MACROD2: variants seen among roughly 807,000 people sequenced by gnomAD.
MACROD2 encodes ADP-ribose glycohydrolase MACROD2.
A neutral mutation model predicts 70.4 loss-of-function variants in MACROD2; 36 were observed. The ratio of observed to expected loss-of-function variants is 0.51; its 90% confidence interval spans 0.39 to 0.68. MACROD2 has a LOEUF of 0.68. Ranked by LOEUF, MACROD2 falls within the 30% of genes least tolerant of loss-of-function variation. The pLI is 0.00. For synonymous variants in MACROD2, 172 were observed against 178.8 expected (o/e 0.96, Z 0.30); for missense variants, 496 against 538.4 (o/e 0.92, Z 0.78).
At chr20:15,654,650 G>A (rs531460895) in intron 8 of MACROD2, among the ~76,000 whole-genome samples, 6 of 152,312 alleles carry the variant, frequency 3.9e-5, no homozygotes, top group African/African-American at 1.4e-4. Context: ...CAGCTAAGCT[G>A]TCCCAGAGTT....
rs1434091356 is a variant in MACROD2, at chr20:15,353,641, T to C, written c.541-77764T>C. Among the ~76,000 whole-genome samples the C allele has an allele frequency of 4.6e-3, 688 of 150,718 alleles. 2 individuals carry two copies. Among genetic ancestry groups the C allele is most frequent in the African/African-American group, 0.015 (632 of 40,924 alleles). On this transcript the variant is annotated intron_variant, in intron 6 of 17. Transcript: ENST00000684519. ...CTAATATCCAGAATCTACAATGAAC[T>C]CAAACAAATTTACAAGAAAAAAACA...
At chr20:14,194,249 T>C (rs1485036833) in intron 3 of MACROD2, among the ~76,000 whole-genome samples, 4 of 152,170 alleles carry the variant, frequency 2.6e-5, no homozygotes, top group African/African-American at 9.7e-5. Flanking sequence ...TGATACATTG[T>C]TGTGTATCAA....
intron 5 of MACROD2, among the ~76,000 whole-genome samples, chr20:14,981,219 A>C (rs2074795942): frequency 6.6e-6 from 1 of 152,072 alleles, no homozygotes; most frequent in Non-Finnish European, 1.5e-5. Context: ...AAGGTCCTTT[A>C]TTCACTTCCT....
At chr20:15,521,590 CAG>C (rs1216285859) in intron 8 of MACROD2, among the ~76,000 whole-genome samples, 2 of 152,268 alleles carry the variant, frequency 1.3e-5, no homozygotes, top group South Asian at 2.1e-4. Flanking sequence ...ATCTGGGAGA[CAG>C]AGAGTTTTAT....
intron 8 of MACROD2, among the ~76,000 whole-genome samples, chr20:15,653,646 G>T (rs2049680489): frequency 6.6e-6 from 1 of 152,086 alleles, no homozygotes; most frequent in African/African-American, 2.4e-5. Context: ...TCCCTCAGTG[G>T]CCTATGACTG....
chr20:15,569,515 G>A (rs1412336748), intron 8 of MACROD2, among the ~76,000 whole-genome samples: 1 of 152,060 alleles, frequency 6.6e-6, no homozygotes, highest in Non-Finnish European at 1.5e-5. Context: ...CTGAAATTTT[G>A]TATTCTTTGA....
intron 2 of MACROD2, among the ~76,000 whole-genome samples, chr20:14,064,887 A>C (rs1187467282): frequency 2.0e-5 from 3 of 152,244 alleles, no homozygotes; most frequent in Non-Finnish European, 4.4e-5. Flanking sequence ...TTATTACCAT[A>C]ATATTCAAAG....
intron 12 of MACROD2, among the ~76,000 whole-genome samples, chr20:15,945,991 G>A (rs1443357850): frequency 6.6e-6 from 1 of 152,122 alleles, no homozygotes; most frequent in Non-Finnish European, 1.5e-5. Context: ...ACGGCAACAG[G>A]GAGGGCAGTT....
At chr20:15,971,358 C>T (rs188334208) in intron 13 of MACROD2, among the ~76,000 whole-genome samples, 49 of 152,208 alleles carry the variant, frequency 3.2e-4, no homozygotes, top group Non-Finnish European at 5.1e-4. Flanking sequence ...TGGGCGTTCC[C>T]ATGCTGTTCT....
chr20:15,483,537 A>G (rs921924137), intron 7 of MACROD2, among the ~76,000 whole-genome samples: 5 of 152,112 alleles, frequency 3.3e-5, no homozygotes, highest in Non-Finnish European at 7.4e-5. Context: ...TGGGGCTTTT[A>G]TCTCTCCACA....
At chr20:15,082,980 G>A (rs540948778) in intron 5 of MACROD2, among the ~76,000 whole-genome samples, 43 of 152,248 alleles carry the variant, frequency 2.8e-4, no homozygotes, top group Middle Eastern at 6.8e-3. Context: ...CTGAAGTTTC[G>A]TTCACCCTGA....
At chr20:15,730,798 C>T (rs1362392779) in intron 8 of MACROD2, among the ~76,000 whole-genome samples, 1 of 150,778 alleles carries the variant, frequency 6.6e-6, no homozygotes, top group Admixed American at 6.6e-5. Flanking sequence ...TGCTTGCTGT[C>T]TCTTCCTCTC....
intron 8 of MACROD2, among the ~76,000 whole-genome samples, chr20:15,785,916 C>G (rs1418973222): frequency 6.6e-6 from 1 of 152,024 alleles, no homozygotes; most frequent in East Asian, 1.9e-4. Context: ...CATCATATAT[C>G]ACAGAAATAA....
chr20:15,893,720 A>C (rs757181656), intron 10 of MACROD2: 68 of 456,618 alleles, frequency 1.5e-4, no homozygotes, highest in African/African-American at 1.3e-3. Flanking sequence ...TAAAGGGAGC[A>C]TATTTACGCT....
rs556095118 is a variant in MACROD2, at chr20:14,531,839, A to C, written c.301+38331A>C. Among the ~76,000 whole-genome samples, 66 of 152,274 alleles carry C rather than the reference A, an allele frequency of 4.3e-4. 2 individuals carry two copies. In the South Asian group the frequency reaches 0.013, roughly 31 times the overall value. Reference sequence around the variant, plus strand: ...AGCTACCTCCGGGAAGGGAAGGTTGAGGAGCTTCCTCAAGCCTCTAAGGAG... The same window carrying C: ...AGCTACCTCCGGGAAGGGAAGGTTGCGGAGCTTCCTCAAGCCTCTAAGGAG... On this transcript the variant is annotated intron_variant, in intron 4 of 17. Transcript: ENST00000684519.
At chr20:14,580,161 A>G (rs1957141983) in intron 4 of MACROD2, among the ~76,000 whole-genome samples, 1 of 152,220 alleles carries the variant, frequency 6.6e-6, no homozygotes, top group South Asian at 2.1e-4. Context: ...TGAAAAGGCT[A>G]ACTCAGTTAC....
intron 5 of MACROD2, among the ~76,000 whole-genome samples, chr20:14,800,920 C>A: frequency 6.6e-6 from 1 of 151,990 alleles, no homozygotes; most frequent in Admixed American, 6.6e-5. Context: ...TTAAATCTGC[C>A]ACAACAGTCA....
chr20:15,106,521 A>G lies in MACROD2; in HGVS notation c.419-123419A>G, dbSNP rs113959496. Among the ~76,000 whole-genome samples, 70 of 152,314 alleles carry G rather than the reference A, an allele frequency of 4.6e-4. 2 individuals carry two copies. The East Asian group carries it at 0.013, about 29-fold the overall frequency. On this transcript the variant is annotated intron_variant, in intron 5 of 17. Transcript: ENST00000684519. ...AAATACTCTCCTGGCATTCCACTACAGTCCAATCCAGGCTTGAACCCTCAG... is the reference window on the plus strand; with the variant it reads ...AAATACTCTCCTGGCATTCCACTACGGTCCAATCCAGGCTTGAACCCTCAG...
chr20:15,772,780 C>T (rs1002632120), intron 8 of MACROD2, among the ~76,000 whole-genome samples: 6 of 152,018 alleles, frequency 3.9e-5, no homozygotes, highest in Admixed American at 3.3e-4. Context: ...TCTCAGAAAT[C>T]GCCACTCAAG....
Sources: gnomAD v4.1 joint callset for allele counts (sites outside exome capture counted in the v4.1 genomes callset) on GRCh38, gnomAD v4.1.1 for gene constraint, MANE v1.5 for transcripts, NCBI Gene and HGNC (gene_info 2026-07-23, HGNC 2026-07-21) for gene names.